The following F11R variants were observed in gnomAD, a reference collection of about 807,000 sequenced individuals.
The protein encoded by F11R is junctional adhesion molecule A.
In F11R, 27 loss-of-function variants were observed where a neutral mutation model predicts 39.3. The ratio of observed to expected loss-of-function variants is 0.69; its 90% confidence interval spans 0.51 to 0.95. The LOEUF (loss-of-function observed/expected upper bound fraction) is 0.95. Ranked by LOEUF, F11R falls within the 40% of genes least tolerant of loss-of-function variation. The pLI, the probability that F11R is intolerant of heterozygous loss-of-function variation, is 0.00. For missense variants in F11R, 335 were observed against 372.7 expected (o/e 0.90, Z 0.83); for synonymous variants, 131 against 144.9 (o/e 0.90, Z 0.69).
At chr1:161,013,133 GAAA>G (rs79065730) in intron 1 of F11R, among the ~76,000 whole-genome samples, 4 of 136,886 alleles carry the variant, frequency 2.9e-5, no homozygotes, top group Non-Finnish European at 4.8e-5. Flanking sequence ...TTCATTTAGG[GAAA>G]AAAAAAAAAA....
chr1:161,020,574 C>A (rs1389676403), intron 1 of F11R, among the ~76,000 whole-genome samples: 1 of 152,210 alleles, frequency 6.6e-6, no homozygotes, highest in Non-Finnish European at 1.5e-5. Flanking sequence ...CTTCGAAGAC[C>A]GTTAAAGGAG....
At chr1:161,016,672 G>T (rs1649482943) in intron 1 of F11R, among the ~76,000 whole-genome samples, 1 of 151,672 alleles carries the variant, frequency 6.6e-6, no homozygotes, top group African/African-American at 2.4e-5. Flanking sequence ...AAAAAAAAGT[G>T]ATCTGGAGCC....
rs1557890124 is a variant in F11R at position 161,001,361 on chromosome 1, G to GA, written c.65-9dup. ...TGCCCAATGCCAGGGAGCCTAAGGA[G>GA]AAAGAAAGAGGTGGGCCCTGTCAGG... On this transcript the variant is annotated splice_polypyrimidine_tract_variant and intron_variant, in intron 1 of 9. Coordinates refer to ENST00000368026, the MANE Select transcript of F11R (RefSeq NM_016946.6). 1 of 1,613,020 alleles carries GA rather than the reference G, an allele frequency of 6.2e-7. No homozygotes were observed. The highest frequency in any genetic ancestry group is 8.5e-7 in the Non-Finnish European group (1 of 1,179,076).
rs1648108918 is a variant in F11R, at chr1:160,996,189, C to T, written c.*2682G>A. ...TAAGGTAAGAACTTCAGGATTTAAACAAACTCAATGTGAAAATAAACATTT... is the reference window on the plus strand; with the variant it reads ...TAAGGTAAGAACTTCAGGATTTAAATAAACTCAATGTGAAAATAAACATTT... On this transcript the variant is annotated 3_prime_UTR_variant, in exon 10 of 10. Coordinates refer to ENST00000368026, the MANE Select transcript of F11R (RefSeq NM_016946.6). The T allele has an allele frequency of 6.6e-6, 1 of 152,308 alleles. No individual in the cohort carries two copies. The highest frequency in any genetic ancestry group is 1.5e-5 in the Non-Finnish European group (1 of 68,010). 9.4% of individuals were successfully genotyped at this position (152,308 alleles called of 1,614,324 possible). A position where few individuals can be genotyped will look rare whatever the true frequency, so the allele number is the denominator to read the frequency against.
rs1482141055 is a variant in F11R, at chr1:161,019,801, T to C, written c.64+1209A>G. On this transcript the variant is annotated intron_variant, in intron 1 of 9. Coordinates refer to ENST00000368026, the MANE Select transcript of F11R (RefSeq NM_016946.6). ...TTCCCAGGTTCCACCCCTAACTCTA[T>C]TGTCATTGAAGTCATTTCCCCTTTT... Among the ~76,000 whole-genome samples the C allele has an allele frequency of 3.3e-5, 5 of 152,300 alleles. No homozygotes were observed. In the South Asian group the frequency reaches 6.2e-4, roughly 19 times the overall value.
rs752908568 is a variant in F11R, at chr1:160,999,677, A to T, written c.765T>A (p.Phe255Leu). 1 of 1,614,110 alleles carries T rather than the reference A, an allele frequency of 6.2e-7. No individual in the cohort carries two copies. Among genetic ancestry groups the T allele is most frequent in the Non-Finnish European group, 8.5e-7 (1 of 1,179,948 alleles). Residue 255 changes from phenylalanine (F) to leucine (L), a missense_variant, in exon 7 of 10, where the codon TTT (phenylalanine) becomes TTA (leucine). Transcript: ENST00000368026. ...VTLILLGILV[F>L]GIWFAYSRGH... Reference sequence around the variant, plus strand: ...CTCGGCTATAGGCAAACCAGATGCCAAAAACCAAGATTCCCAGGAGAATCA... The same window carrying T: ...CTCGGCTATAGGCAAACCAGATGCCTAAAACCAAGATTCCCAGGAGAATCA...
In F11R at chr1:160,999,744, T is replaced by C. The variant is rs773724972; in HGVS notation, c.698A>G (p.Glu233Gly). The change falls in exon 7 of 10, where the codon GAG becomes GGG. Residue 233 changes from glutamate to glycine, a missense_variant. Transcript: ENST00000368026. The part of the protein sequence containing the change: ...TSNAVRMEAV[E>G]RNVGVIVAAV... The stretch of plus-strand genomic sequence containing the variant: ...TGCCACGATGACCCCCACATTCCGC[T>C]CCACTGCGAGACACAAATAAGAAGT... The C allele has an allele frequency of 2.5e-6, 4 of 1,613,926 alleles. No individual in the cohort carries two copies. The highest frequency in any genetic ancestry group is 3.4e-6 in the Non-Finnish European group (4 of 1,179,948).
chr1:161,017,336 T>C (rs1293420270), intron 1 of F11R, among the ~76,000 whole-genome samples: 1 of 152,166 alleles, frequency 6.6e-6, no homozygotes, highest in East Asian at 1.9e-4. Flanking sequence ...ATCTGTCTCC[T>C]GCCCGTCCCT....
intron 1 of F11R, among the ~76,000 whole-genome samples, chr1:161,003,123 A>AT (rs755371627): frequency 0.27 from 28,833 of 105,388 alleles, 5,003 homozygotes; most frequent in Middle Eastern, 0.4. Flanking sequence ...TAATTTTTGT[A>AT]TTTTTTTTTT....
chr1:160,998,644 T>C lies in F11R; in HGVS notation c.*227A>G. ...CCTCAAAGAAATGGGGAATAAACAC[T>C]TTAAACAAGTTCCAGGCCACTCAGC... On this transcript the variant is annotated 3_prime_UTR_variant, in exon 10 of 10. Coordinates refer to ENST00000368026, the MANE Select transcript of F11R (RefSeq NM_016946.6). The C allele has an allele frequency of 1.7e-6, 1 of 601,706 alleles. No homozygotes were observed. Among genetic ancestry groups the C allele is most frequent in the Non-Finnish European group, 3.0e-6 (1 of 337,360 alleles). 37.3% of individuals were successfully genotyped at this position (601,706 alleles called of 1,614,324 possible).
chr1:161,007,126 GT>G (rs1571014149), intron 1 of F11R, among the ~76,000 whole-genome samples: 2 of 147,722 alleles, frequency 1.4e-5, no homozygotes. Flanking sequence ...AGCTGAGATC[GT>G]GCCATTGCAC....
At chr1:161,002,217 G>T (rs940090362) in intron 1 of F11R, among the ~76,000 whole-genome samples, 10 of 146,472 alleles carry the variant, frequency 6.8e-5, no homozygotes, top group Admixed American at 2.1e-4. Flanking sequence ...AGCCGAGATC[G>T]CGCCACTGCC....
At position 161,001,081 on chromosome 1, in the gene F11R, C is replaced by T. The variant is rs1648456038; in HGVS notation, c.180G>A (p.Val60=). Residue 60 remains valine (V), a synonymous_variant, in exon 3 of 10, where the codon GTG becomes GTA. Transcript: ENST00000368026. ...TGTCTCCTTGGTCAAACTTCCACTCCACACGGGGAGAAGAAAAGCCCGAGT... is the reference window on the plus strand; with the variant it reads ...TGTCTCCTTGGTCAAACTTCCACTCTACACGGGGAGAAGAAAAGCCCGAGT... ...CAYSGFSSPR[V]EWKFDQGDTT... 6.2e-7 allele frequency: 1 copy of T among 1,614,162 alleles called. No individual in the cohort carries two copies. The highest frequency in any genetic ancestry group is 8.5e-7 in the Non-Finnish European group (1 of 1,180,036).
At chr1:161,007,877 C>T (rs1337613901) in intron 1 of F11R, among the ~76,000 whole-genome samples, 2 of 152,178 alleles carry the variant, frequency 1.3e-5, no homozygotes, top group Non-Finnish European at 2.9e-5. Flanking sequence ...CACAGCTGTA[C>T]CAGCAGAGCT....
chr1:161,002,969 T>C (rs1170149092), intron 1 of F11R, among the ~76,000 whole-genome samples: 1 of 151,432 alleles, frequency 6.6e-6, no homozygotes, highest in Non-Finnish European at 1.5e-5. Context: ...TTTTTTTTTT[T>C]TGAGACGGAG....
intron 1 of F11R, among the ~76,000 whole-genome samples, chr1:161,011,789 T>C (rs890992282): frequency 2.6e-5 from 4 of 152,208 alleles, no homozygotes; most frequent in Non-Finnish European, 5.9e-5. Flanking sequence ...CATTAATTCA[T>C]AAAGACTAGA....
intron 1 of F11R, among the ~76,000 whole-genome samples, chr1:161,008,443 A>C (rs1648947150): frequency 6.6e-6 from 1 of 152,076 alleles, no homozygotes. Context: ...TGGAGCTTGC[A>C]GTAAGCTGAG....
chr1:160,999,168 A>C, intron 8 of F11R, 77 bp from the exon 9 acceptor site: 1 of 1,594,104 alleles, frequency 6.3e-7, no homozygotes, highest in Non-Finnish European at 8.6e-7. Context: ...TTTAAAGGCC[A>C]GAAGCGAGAA....
chr1:161,017,450 T>C (rs1025869983), intron 1 of F11R, among the ~76,000 whole-genome samples: 5 of 152,208 alleles, frequency 3.3e-5, no homozygotes, highest in Non-Finnish European at 7.3e-5. Context: ...CGGGCAGCAA[T>C]ATTGCTTTGT....
Sources: allele counts gnomAD v4.1 joint callset (sites outside exome capture counted in the v4.1 genomes callset), GRCh38; gene constraint gnomAD v4.1.1; transcripts MANE v1.5; gene names NCBI Gene and HGNC (gene_info 2026-07-23, HGNC 2026-07-21).